Variants in GRIP1 observed in about 807,000 individuals in gnomAD.
GRIP1 encodes glutamate receptor-interacting protein 1.
A neutral mutation model predicts 129.9 loss-of-function variants in GRIP1; 45 were observed. The observed-to-expected ratio is 0.35, with a 90% CI of 0.27 to 0.44. The LOEUF (loss-of-function observed/expected upper bound fraction) is 0.44, where lower values mean the gene tolerates loss of function less well. Ranked by LOEUF, GRIP1 falls within the 20% of genes least tolerant of loss-of-function variation. The probability of loss-of-function intolerance (pLI) is 1.00; values close to 1 mark genes in which losing one functional copy is unlikely to be tolerated. For synonymous variants in GRIP1, 530 were observed against 520.8 expected, an observed-to-expected ratio of 1.02 and a Z score of -0.24; for missense variants, 1,196 against 1,396.8, an observed-to-expected ratio of 0.86 and a Z score of 2.29.
At chr12:66,652,450 CTT>C (rs1192848960) in intron 1 of GRIP1, among the ~76,000 whole-genome samples, 1 of 152,182 alleles carries the variant, frequency 6.6e-6, no homozygotes, top group Non-Finnish European at 1.5e-5. Flanking sequence ...AATTAAACCT[CTT>C]TCCTTTACAA....
intron 1 of GRIP1, among the ~76,000 whole-genome samples, chr12:66,846,310 T>G (rs575936826): frequency 2.0e-5 from 3 of 152,332 alleles, no homozygotes; most frequent in Admixed American, 1.3e-4. Flanking sequence ...GAATTGAAAT[T>G]ATCCCACAAT....
chr12:67,008,150 T>G (rs1171658797), intron 1 of GRIP1, among the ~76,000 whole-genome samples: 1 of 152,190 alleles, frequency 6.6e-6, no homozygotes, highest in Non-Finnish European at 1.5e-5. Flanking sequence ...CCCACTCTAT[T>G]CATTGAAAAG....
chr12:66,626,384 G>C (rs533267279), intron 1 of GRIP1, among the ~76,000 whole-genome samples: 1 of 146,616 alleles, frequency 6.8e-6, no homozygotes, highest in South Asian at 2.2e-4. Context: ...AATGCTAAAA[G>C]AGTCAAACAA....
intron 1 of GRIP1, among the ~76,000 whole-genome samples, chr12:66,848,087 T>C (rs540392342): frequency 2.7e-4 from 41 of 152,290 alleles, no homozygotes; most frequent in African/African-American, 8.9e-4. Context: ...ACCGTAATGC[T>C]AACATCATAT....
At chr12:66,513,630 C>T (rs532703528) in intron 7 of GRIP1, among the ~76,000 whole-genome samples, 1 of 152,130 alleles carries the variant, frequency 6.6e-6, no homozygotes, top group Non-Finnish European at 1.5e-5. Context: ...TCTGTTTTGG[C>T]TGATATACAG....
intron 5 of GRIP1, among the ~76,000 whole-genome samples, chr12:66,529,014 T>C (rs1473568358): frequency 1.3e-5 from 2 of 151,772 alleles, no homozygotes; most frequent in African/African-American, 4.8e-5. Flanking sequence ...AAAGAAGATA[T>C]AAAAATGGCC....
chr12:66,657,309 G>A (rs957201883), intron 1 of GRIP1, among the ~76,000 whole-genome samples: 4 of 152,054 alleles, frequency 2.6e-5, no homozygotes, highest in African/African-American at 9.7e-5. Flanking sequence ...CGCCCCATTC[G>A]CCGCCACACC....
At chr12:66,488,595 C>T (rs2060019534) in intron 7 of GRIP1, among the ~76,000 whole-genome samples, 1 of 152,082 alleles carries the variant, frequency 6.6e-6, no homozygotes, top group South Asian at 2.1e-4. Context: ...AACTCAAAAG[C>T]TAGCAGAGGA....
intron 1 of GRIP1, among the ~76,000 whole-genome samples, chr12:66,819,426 C>T (rs2039280246): frequency 6.6e-6 from 1 of 152,108 alleles, no homozygotes; most frequent in South Asian, 2.1e-4. Flanking sequence ...TCTTAGGTTA[C>T]TGGTGTCACA....
intron 1 of GRIP1, among the ~76,000 whole-genome samples, chr12:66,692,730 A>G (rs1451185246): frequency 6.6e-6 from 1 of 152,164 alleles, no homozygotes; most frequent in Admixed American, 6.5e-5. Flanking sequence ...AAAAACAACC[A>G]GTACCCAGAG....
At chr12:66,886,559 C>T (rs1394871157) in intron 1 of GRIP1, among the ~76,000 whole-genome samples, 3 of 152,044 alleles carry the variant, frequency 2.0e-5, no homozygotes, top group African/African-American at 2.4e-5. Context: ...CTCATATTCC[C>T]AAATGTAAAA....
intron 11 of GRIP1, among the ~76,000 whole-genome samples, chr12:66,447,160 G>A (rs1030319180): frequency 6.6e-5 from 10 of 152,136 alleles, no homozygotes; most frequent in African/African-American, 1.7e-4. Flanking sequence ...CATTGTCTTC[G>A]CCCACTGGCT....
chr12:66,410,678 C>T (rs2057370508), intron 15 of GRIP1, among the ~76,000 whole-genome samples: 1 of 151,578 alleles, frequency 6.6e-6, no homozygotes, highest in Non-Finnish European at 1.5e-5. Flanking sequence ...AACAGACAAA[C>T]AATGAAGCAC....
intron 1 of GRIP1, among the ~76,000 whole-genome samples, chr12:66,904,693 C>T (rs1376015316): frequency 6.6e-6 from 1 of 152,098 alleles, no homozygotes; most frequent in African/African-American, 2.4e-5. Flanking sequence ...GAGATCAAGA[C>T]CATCCTGGCC....
intron 1 of GRIP1, among the ~76,000 whole-genome samples, chr12:66,727,913 T>C (rs1005813869): frequency 3.9e-5 from 6 of 152,216 alleles, no homozygotes; most frequent in Admixed American, 1.3e-4. Context: ...AGGTTTTAAT[T>C]TGCCCAAGAG....
chr12:66,470,735 C>T (rs2059416330), intron 7 of GRIP1, among the ~76,000 whole-genome samples: 2 of 152,114 alleles, frequency 1.3e-5, no homozygotes, highest in South Asian at 4.1e-4. Flanking sequence ...ATTAGGATAA[C>T]TTGAGAAGAG....
chr12:66,792,982 A>G (rs2038588633), intron 1 of GRIP1, among the ~76,000 whole-genome samples: 1 of 152,158 alleles, frequency 6.6e-6, no homozygotes, highest in African/African-American at 2.4e-5. Flanking sequence ...ATATGTAAGT[A>G]TTTACTTTAT....
chr12:66,522,371 G>A (rs1185832358), intron 5 of GRIP1, among the ~76,000 whole-genome samples: 3 of 152,194 alleles, frequency 2.0e-5, no homozygotes, highest in Admixed American at 6.5e-5. Context: ...AGCCACTGCT[G>A]TTCTACAGCC....
At chr12:66,487,871 TA>T (rs60590616) in intron 7 of GRIP1, among the ~76,000 whole-genome samples, 1 of 151,812 alleles carries the variant, frequency 6.6e-6, no homozygotes, top group Non-Finnish European at 1.5e-5. Flanking sequence ...CCAACAAAGA[TA>T]AAAAAGACAA....
Sources: gnomAD v4.1 joint callset for allele counts (sites outside exome capture counted in the v4.1 genomes callset) on GRCh38, gnomAD v4.1.1 for gene constraint, MANE v1.5 for transcripts, NCBI Gene and HGNC (gene_info 2026-07-23, HGNC 2026-07-21) for gene names.